Variants in MTMR3 observed in about 807,000 individuals in gnomAD.
MTMR3 encodes the protein phosphatidylinositol-3,5-bisphosphate 3-phosphatase MTMR3.
A neutral mutation model predicts 132.4 loss-of-function variants in MTMR3; 32 were observed. The ratio of observed to expected loss-of-function variants is 0.24; its 90% CI spans 0.18 to 0.32. MTMR3 has a LOEUF of 0.32. MTMR3 is among the 10% of genes least tolerant of loss of function. MTMR3 has a pLI of 1.00. For synonymous variants in MTMR3, 556 were observed against 550.3 expected (o/e 1.01, Z -0.14); for missense variants, 1,216 against 1,489.6 (o/e 0.82, Z 3.02).
In MTMR3 at chr22:29,978,920, T is replaced by G. The variant is rs202156157; in HGVS notation, c.94-16T>G. 1.9e-6 allele frequency: 3 copies of G among 1,582,326 alleles called. No homozygotes were observed. The highest frequency in any genetic ancestry group is 2.6e-6 in the Non-Finnish European group (3 of 1,152,416). On this transcript the variant is annotated splice_polypyrimidine_tract_variant and intron_variant, in intron 4 of 19. Transcript: ENST00000401950. ...TAACTGCTTCAGAACTCTGAAGGGT[T>G]TCTTTCATTTCGAAGGTTCCTTTCC...
chr22:30,020,192 T>G lies in MTMR3; in HGVS notation c.2533T>G (p.Ser845Ala). The change falls in exon 17 of 20, where the codon TCT (serine) becomes GCT (alanine). Residue 845 changes from serine (S) to alanine (A), a missense_variant. Transcript: ENST00000401950. ...FETRGPNVDSSTDMLVEDKVK... is the reference protein window; with the variant it reads ...FETRGPNVDSATDMLVEDKVK... Reference sequence around the variant, plus strand: ...GACCAGAGGACCAAACGTGGACAGTTCTACAGACATGTTAGTGGAAGATAA... The same window carrying G: ...GACCAGAGGACCAAACGTGGACAGTGCTACAGACATGTTAGTGGAAGATAA... The G allele has an allele frequency of 6.2e-7, 1 of 1,614,220 alleles. No individual in the cohort carries two copies.
At chr22:29,911,585 G>GT (rs11418984) in intron 1 of MTMR3, among the ~76,000 whole-genome samples, 52,003 of 145,002 alleles carry the variant, frequency 0.36, 9,845 homozygotes, top group East Asian at 0.59. Flanking sequence ...CTTGATTTGG[G>GT]TTTTTTTTTT....
chr22:30,021,141 G>A, intron 17 of MTMR3: 2 of 513,482 alleles, frequency 3.9e-6, no homozygotes, highest in Non-Finnish European at 7.0e-6. Flanking sequence ...GCACTGCATG[G>A]TTGATCAGAT....
chr22:29,959,205 A>G (rs2066259141), intron 2 of MTMR3, among the ~76,000 whole-genome samples: 1 of 152,132 alleles, frequency 6.6e-6, no homozygotes, highest in Admixed American at 6.6e-5. Flanking sequence ...GGTACTGATG[A>G]TGGAGCTGAG....
rs1209162116 is a variant in MTMR3 at position 29,991,583 on chromosome 22, G to A, written c.373G>A (p.Glu125Lys). The A allele has an allele frequency of 6.2e-7, 1 of 1,613,996 alleles. No homozygotes were observed. The highest frequency in any genetic ancestry group is 1.3e-5 in the African/African-American group (1 of 74,942). Residue 125 changes from glutamate (E) to lysine (K), a missense_variant, in exon 7 of 20, where the codon GAA becomes AAA. Around this residue, in one of 7 missense-constraint regions of MTMR3, gnomAD observed 129 missense variants for 245.7 expected, o/e 0.53. Coordinates refer to ENST00000401950, the MANE Select transcript of MTMR3 (RefSeq NM_021090.4). ...NNAIRPPAKI[E>K]DLFSFAYHAW... Reference sequence around the variant, plus strand: ...CGCAATCCGACCACCTGCTAAAATAGAAGATCTCTTCTCATTTGCATACCA... The same window carrying A: ...CGCAATCCGACCACCTGCTAAAATAAAAGATCTCTTCTCATTTGCATACCA...
intron 5 of MTMR3, chr22:29,983,286 A>G (rs2066791744): frequency 6.6e-6 from 1 of 152,258 alleles, no homozygotes; most frequent in African/African-American, 2.4e-5. Context: ...TGTTAGAAAT[A>G]ATTTGTAAAA....
chr22:30,002,715 TGAG>T, intron 8 of MTMR3, 162 bp from the exon 9 acceptor site: 1 of 562,542 alleles, frequency 1.8e-6, no homozygotes. Context: ...CCCATTCTGT[TGAG>T]GAGTCCAAAA....
chr22:29,943,482 G>A lies in MTMR3; in HGVS notation c.-137-13554G>A, dbSNP rs527582944. 6.6e-5 allele frequency among the ~76,000 whole-genome samples: 10 copies of A among 152,122 alleles called. 1 individual carries two copies. Among genetic ancestry groups the A allele is most frequent in the South Asian group, 4.2e-4 (2 of 4,812 alleles). On this transcript the variant is annotated intron_variant, in intron 1 of 19. Coordinates refer to ENST00000401950, the MANE Select transcript of MTMR3 (RefSeq NM_021090.4). ...TGGGATTACAGGCGTGAGCCACCGC[G>A]CCTGGCCTTGATGTGTGTATTTTTC... is the stretch of plus-strand genomic sequence containing the variant.
At chr22:29,973,068 T>C (rs1271862621) in intron 3 of MTMR3, among the ~76,000 whole-genome samples, 2 of 152,264 alleles carry the variant, frequency 1.3e-5, no homozygotes, top group African/African-American at 4.8e-5. Flanking sequence ...ATTTTAATTA[T>C]ATACTGTATA....
rs1278011578 is a variant in MTMR3 at position 30,026,586 on chromosome 22, G to GT, written c.*786dup. 6.5e-6 allele frequency: 1 copy of GT among 152,828 alleles called. No homozygotes were observed. Among genetic ancestry groups the GT allele is most frequent in the African/African-American group, 2.4e-5 (1 of 41,466 alleles). The allele number at this position is 152,828 out of a possible 1,614,324, so 9.5% of individuals were successfully genotyped here. On this transcript the variant is annotated 3_prime_UTR_variant, in exon 20 of 20. Transcript: ENST00000401950. ...GGGCTGCTTTCCTGGGCCAGGCTGT[G>GT]TAGCACTTCCCACCCTCAGGCATGA... is the stretch of plus-strand genomic sequence containing the variant.
chr22:29,966,699 C>T (rs1442391253), intron 2 of MTMR3, among the ~76,000 whole-genome samples: 1 of 150,744 alleles, frequency 6.6e-6, no homozygotes. Context: ...TCCTTAACAT[C>T]TTCCACTGGT....
chr22:30,019,486 A>G lies in MTMR3; in HGVS notation c.1827A>G (p.Pro609=), dbSNP rs141300330. Residue 609 remains proline (P), a synonymous_variant, in exon 17 of 20, where the codon CCA becomes CCG. Coordinates refer to ENST00000401950, the MANE Select transcript of MTMR3 (RefSeq NM_021090.4). ...CCAAATTCCTTTCCTTTAGGCTACC[A>G]AAGACTAGATCATACGACAATCTGA... is the stretch of plus-strand genomic sequence containing the variant. The part of the protein sequence containing the change: ...SPDDPPLSRL[P]KTRSYDNLTT... 2 of 1,598,400 alleles carry G rather than the reference A, an allele frequency of 1.3e-6. No homozygotes were observed. The highest frequency in any genetic ancestry group is 1.7e-5 in the Admixed American group (1 of 59,324).
At chr22:29,915,801 C>T (rs1161626220) in intron 1 of MTMR3, among the ~76,000 whole-genome samples, 2 of 152,114 alleles carry the variant, frequency 1.3e-5, no homozygotes, top group African/African-American at 2.4e-5. Flanking sequence ...AGGTTTCAGT[C>T]TACCATTTTG....
intron 1 of MTMR3, among the ~76,000 whole-genome samples, chr22:29,911,571 A>T (rs1544430): frequency 0.92 from 139,182 of 150,920 alleles, 64,250 homozygotes; most frequent in East Asian, 1. Context: ...TTTGTGTAAA[A>T]TAGCTTGATT....
intron 1 of MTMR3, among the ~76,000 whole-genome samples, chr22:29,907,615 G>A (rs1360625625): frequency 2.0e-5 from 3 of 152,090 alleles, no homozygotes; most frequent in Non-Finnish European, 2.9e-5. Flanking sequence ...AATTTTAAAT[G>A]TACCCATTTG....
At chr22:29,952,422 A>T (rs78660772) in intron 1 of MTMR3, among the ~76,000 whole-genome samples, 22,007 of 150,272 alleles carry the variant, frequency 0.15, 1,981 homozygotes, top group East Asian at 0.51. Context: ...TTTTTTTTTT[A>T]AAATCATGTT....
At chr22:29,930,323 G>T (rs146939885) in intron 1 of MTMR3, among the ~76,000 whole-genome samples, 16 of 152,170 alleles carry the variant, frequency 1.1e-4, no homozygotes, top group Admixed American at 8.5e-4. Context: ...ATCACTATAG[G>T]TTAGTTTTGC....
intron 1 of MTMR3, among the ~76,000 whole-genome samples, chr22:29,950,844 G>C (rs1444795389): frequency 6.6e-6 from 1 of 152,162 alleles, no homozygotes; most frequent in African/African-American, 2.4e-5. Flanking sequence ...TGATATATCA[G>C]TATATCTGAG....
intron 3 of MTMR3, 28 bp downstream of exon 3, chr22:29,971,090 A>G (rs894067443): frequency 1.9e-6 from 3 of 1,583,338 alleles, no homozygotes; most frequent in Admixed American, 1.9e-5. Context: ...AGAGTAAAAA[A>G]AAAAACAAAA....
Sources: allele counts gnomAD v4.1 joint callset (sites outside exome capture counted in the v4.1 genomes callset), GRCh38; gene constraint gnomAD v4.1.1; regional missense constraint gnomAD v4.1.1; transcripts MANE v1.5; gene names NCBI Gene and HGNC (gene_info 2026-07-23, HGNC 2026-07-21).